Variants in GALNTL6 observed in about 807,000 individuals in gnomAD.
The protein encoded by GALNTL6 is polypeptide N-acetylgalactosaminyltransferase-like 6.
GALNTL6 carries 46 observed loss-of-function variants against 73.7 expected under a neutral mutation model. The ratio of observed to expected loss-of-function variants is 0.62; its 90% CI spans 0.49 to 0.80. The LOEUF (loss-of-function observed/expected upper bound fraction) is 0.80, where lower values mean the gene tolerates loss of function less well. GALNTL6 is among the 30% of genes least tolerant of loss of function. The pLI, the probability that GALNTL6 is intolerant of heterozygous loss-of-function variation, is 0.00. For missense variants in GALNTL6, 604 were observed against 755.0 expected (o/e 0.80, Z 2.34); for synonymous variants, 259 against 263.7 (o/e 0.98, Z 0.17).
At chr4:172,466,413 T>A (rs2111453516) in intron 5 of GALNTL6, among the ~76,000 whole-genome samples, 2 of 152,298 alleles carry the variant, frequency 1.3e-5, no homozygotes, top group South Asian at 4.1e-4. Flanking sequence ...AAAGAATAAA[T>A]TTTTTTATTT....
chr4:172,731,473 A>G, intron 5 of GALNTL6, among the ~76,000 whole-genome samples: 1 of 150,874 alleles, frequency 6.6e-6, no homozygotes, highest in East Asian at 2.0e-4. Context: ...AGGTTTGTTG[A>G]TTTTCTTTAT....
chr4:172,084,798 A>G (rs1731978288), intron 2 of GALNTL6, among the ~76,000 whole-genome samples: 1 of 152,188 alleles, frequency 6.6e-6, no homozygotes, highest in Non-Finnish European at 1.5e-5. Flanking sequence ...GGTGATGATT[A>G]TCACATAAAA....
Position 172,296,460 on chromosome 4 carries a change from C to T in GALNTL6, c.248-15154C>T, listed in dbSNP as rs576361006. Among the ~76,000 whole-genome samples the T allele has an allele frequency of 1.6e-4, 24 of 152,192 alleles. No homozygotes were observed. In the South Asian group the frequency reaches 1.7e-3, roughly 11 times the overall value. ...CATGTGGGAGTTGGTGTGCTGCACCCGTTAACTCATCATTTAACATTAGGT... is the reference window on the plus strand; with the variant it reads ...CATGTGGGAGTTGGTGTGCTGCACCTGTTAACTCATCATTTAACATTAGGT... On this transcript the variant is annotated intron_variant, in intron 3 of 12. Coordinates refer to ENST00000506823, the MANE Select transcript of GALNTL6 (RefSeq NM_001034845.3).
At chr4:172,223,706 T>C (rs1736761572) in intron 2 of GALNTL6, among the ~76,000 whole-genome samples, 1 of 152,134 alleles carries the variant, frequency 6.6e-6, no homozygotes, top group African/African-American at 2.4e-5. Flanking sequence ...ACAGACATAC[T>C]TGGATCAAAT....
chr4:173,026,676 T>G (rs1753246346), intron 12 of GALNTL6, among the ~76,000 whole-genome samples: 1 of 152,248 alleles, frequency 6.6e-6, no homozygotes, highest in African/African-American at 2.4e-5. Flanking sequence ...CAGCACCTAC[T>G]TGAGTCTTTT....
intron 5 of GALNTL6, among the ~76,000 whole-genome samples, chr4:172,430,066 T>C (rs1481821224): frequency 6.6e-6 from 1 of 151,914 alleles, no homozygotes; most frequent in African/African-American, 2.4e-5. Context: ...GAGCAAAATA[T>C]ATATGTGTGT....
chr4:171,950,612 T>C (rs948012440), intron 2 of GALNTL6, among the ~76,000 whole-genome samples: 1 of 151,758 alleles, frequency 6.6e-6, no homozygotes, highest in Non-Finnish European at 1.5e-5. Context: ...CCCGAGTAGC[T>C]GGGACTACAG....
At chr4:172,465,546 A>G (rs773882949) in intron 5 of GALNTL6, among the ~76,000 whole-genome samples, 6 of 152,168 alleles carry the variant, frequency 3.9e-5, no homozygotes, top group Non-Finnish European at 5.9e-5. Context: ...GAGATTTTTT[A>G]AAAATTTATG....
At chr4:172,854,863 T>G (rs1262160765) in intron 7 of GALNTL6, among the ~76,000 whole-genome samples, 1 of 152,246 alleles carries the variant, frequency 6.6e-6, no homozygotes, top group African/African-American at 2.4e-5. Flanking sequence ...TATCATGTTT[T>G]TCTTTTGTAC....
At chr4:172,591,090 ATGGAGCACCAAGG>A (rs1179331076) in intron 5 of GALNTL6, among the ~76,000 whole-genome samples, 1 of 152,234 alleles carries the variant, frequency 6.6e-6, no homozygotes, top group African/African-American at 2.4e-5. Context: ...ATTGTAACTC[ATGGAGCACCAAGG>A]TGTAGGTAAA....
In GALNTL6 at chr4:171,831,548, G is replaced by A. The variant is rs149583223; in HGVS notation, c.138+16830G>A. ...GACATTTCTATCTACTTTTTACCTA[G>A]CTTTGACCTTCTTTCATTTCACTTG... On this transcript the variant is annotated intron_variant, in intron 2 of 12. Coordinates refer to ENST00000506823, the MANE Select transcript of GALNTL6 (RefSeq NM_001034845.3). 4.5e-3 allele frequency among the ~76,000 whole-genome samples: 684 copies of A among 151,758 alleles called. 3 individuals are homozygous for A. Among genetic ancestry groups the A allele is most frequent in the African/African-American group, 0.016 (645 of 41,448 alleles).
At chr4:171,940,540 G>T (rs1738498056) in intron 2 of GALNTL6, among the ~76,000 whole-genome samples, 1 of 151,942 alleles carries the variant, frequency 6.6e-6, no homozygotes, top group African/African-American at 2.4e-5. Context: ...AGAGGTGAAG[G>T]GCCAGGCGCA....
chr4:171,928,801 C>G (rs77945053), intron 2 of GALNTL6, among the ~76,000 whole-genome samples: 9,413 of 152,154 alleles, frequency 0.062, 856 homozygotes, highest in African/African-American at 0.2. Context: ...AGGAGCAATA[C>G]GCTATACCAC....
rs56310402 is a variant in GALNTL6 at position 172,732,616 on chromosome 4, A to G, written c.554-76745A>G. 5.0e-3 allele frequency among the ~76,000 whole-genome samples: 762 copies of G among 151,876 alleles called. 11 individuals carry two copies. The highest frequency in any genetic ancestry group is 0.018 in the African/African-American group (732 of 41,418). On this transcript the variant is annotated intron_variant, in intron 5 of 12. Coordinates refer to ENST00000506823, the MANE Select transcript of GALNTL6 (RefSeq NM_001034845.3). ...TCCTCTCTTCTTTTCTTCCTTTCTT[A>G]CTGTCTTCCTTTTGGCTTAAATTAT...
intron 12 of GALNTL6, among the ~76,000 whole-genome samples, chr4:173,032,278 T>C (rs1260076743): frequency 6.6e-6 from 1 of 152,022 alleles, no homozygotes; most frequent in African/African-American, 2.4e-5. Context: ...TGAAACCCCG[T>C]CTCTACTAAA....
chr4:172,263,219 A>G (rs1479315949), intron 3 of GALNTL6, among the ~76,000 whole-genome samples: 1 of 151,490 alleles, frequency 6.6e-6, no homozygotes, highest in Non-Finnish European at 1.5e-5. Context: ...AAGTTTTACA[A>G]ACTTTTAGAT....
At chr4:172,536,271 G>C (rs1037718903) in intron 5 of GALNTL6, among the ~76,000 whole-genome samples, 6 of 152,120 alleles carry the variant, frequency 3.9e-5, no homozygotes, top group Non-Finnish European at 7.4e-5. Flanking sequence ...AATTGGACCA[G>C]GTAGTGGGGT....
At chr4:171,965,483 C>T (rs1416516537) in intron 2 of GALNTL6, among the ~76,000 whole-genome samples, 1 of 151,728 alleles carries the variant, frequency 6.6e-6, no homozygotes, top group African/African-American at 2.4e-5. Context: ...AGTGAAACCC[C>T]GTCTCTACTA....
Position 171,973,861 on chromosome 4 carries a change from C to A in GALNTL6, c.138+159143C>A, listed in dbSNP as rs897948456. Among the ~76,000 whole-genome samples, 3 of 152,284 alleles carry A rather than the reference C, an allele frequency of 2.0e-5. No individual in the cohort carries two copies. In the South Asian group the frequency reaches 6.2e-4, roughly 32 times the overall value. Reference sequence around the variant, plus strand: ...CTTTTAAATATTTTGTAAGCATTTACTCTTTCATTGAACTGAAATGAGAAG... The same window carrying A: ...CTTTTAAATATTTTGTAAGCATTTAATCTTTCATTGAACTGAAATGAGAAG... On this transcript the variant is annotated intron_variant, in intron 2 of 12. Coordinates refer to ENST00000506823, the MANE Select transcript of GALNTL6 (RefSeq NM_001034845.3).
Sources: gnomAD v4.1 joint callset for allele counts (sites outside exome capture counted in the v4.1 genomes callset) on GRCh38, gnomAD v4.1.1 for gene constraint, MANE v1.5 for transcripts, NCBI Gene and HGNC (gene_info 2026-07-23, HGNC 2026-07-21) for gene names.